Variants in CRY2 observed in about 807,000 individuals in gnomAD.
CRY2 encodes the protein cryptochrome circadian regulator 2, also known as cryptochrome-2.
CRY2 carries 31 observed loss-of-function variants against 69.5 expected under a neutral mutation model. That is an observed-to-expected ratio of 0.45 (90% CI 0.34 to 0.60). The LOEUF (loss-of-function observed/expected upper bound fraction) is 0.60. Among genes scored for constraint, CRY2 ranks in the 20% least tolerant of loss-of-function variants. The pLI, the probability that CRY2 is intolerant of heterozygous loss-of-function variation, is 0.02. For missense variants in CRY2, 606 were observed against 797.8 expected (o/e 0.76, Z 2.90); for synonymous variants, 303 against 312.2 (o/e 0.97, Z 0.31).
chr11:45,851,452 A>G (rs77199649), intron 1 of CRY2, among the ~76,000 whole-genome samples: 2,142 of 152,266 alleles, frequency 0.014, 19 homozygotes, highest in Non-Finnish European at 0.022. Context: ...AGAGCTGAAC[A>G]CTGTTGGACT....
chr11:45,869,340 C>G (rs1054079233), intron 6 of CRY2, among the ~76,000 whole-genome samples, 166 bp from the exon 7 acceptor site: 1 of 152,210 alleles, frequency 6.6e-6, no homozygotes, highest in Non-Finnish European at 1.5e-5. Flanking sequence ...CTGGGTGTTT[C>G]ACATGCAGGC....
At chr11:45,872,054 GCA>G (rs766799779) in intron 10 of CRY2, 36 bp from the exon 11 acceptor site, 14 of 1,609,962 alleles carry the variant, frequency 8.7e-6, no homozygotes, top group Non-Finnish European at 1.1e-5. Flanking sequence ...TTGGCTGCAT[GCA>G]CAGTCTGTGT....
In CRY2 at chr11:45,867,719, C is replaced by A; in HGVS notation, c.849C>A (p.Leu283=). The change falls in exon 6 of 12, where the codon CTC becomes CTA. Residue 283 remains leucine (L), a synonymous_variant. Coordinates refer to ENST00000616080, the MANE Select transcript of CRY2 (RefSeq NM_021117.5). ...YLRFGCLSCR[L]FYYRLWDLYK... The stretch of plus-strand genomic sequence containing the variant: ...GCTTTGGTTGTCTCTCCTGCCGCCT[C>A]TTCTACTACCGCCTGTGGGACCTGT... 6.2e-7 allele frequency: 1 copy of A among 1,614,226 alleles called. No individual in the cohort carries two copies. The highest frequency in any genetic ancestry group is 8.5e-7 in the Non-Finnish European group (1 of 1,180,038).
chr11:45,861,919 A>T (rs2271850), intron 4 of CRY2, 141 bp from the exon 5 acceptor site: 1 of 725,452 alleles, frequency 1.4e-6, no homozygotes, highest in East Asian at 2.8e-5. Context: ...GAAAACGCTA[A>T]AACTTTAAGG....
At chr11:45,849,517 A>G (rs2086178050) in intron 1 of CRY2, among the ~76,000 whole-genome samples, 1 of 152,184 alleles carries the variant, frequency 6.6e-6, no homozygotes, top group Non-Finnish European at 1.5e-5. Context: ...TGAGAAACAT[A>G]AGATAAGGGG....
intron 1 of CRY2, among the ~76,000 whole-genome samples, chr11:45,848,199 C>G (rs1406894709): frequency 6.6e-6 from 1 of 152,170 alleles, no homozygotes; most frequent in East Asian, 1.9e-4. Flanking sequence ...GCCCTACCAC[C>G]CATCCTGGCT....
In CRY2 at chr11:45,856,067, G is replaced by T; in HGVS notation, c.301G>T (p.Asp101Tyr). 1 of 1,614,122 alleles carries T rather than the reference G, an allele frequency of 6.2e-7. No individual in the cohort carries two copies. Among genetic ancestry groups the T allele is most frequent in the South Asian group, 1.1e-5 (1 of 91,068 alleles). ...GTTTGTAGTCCGGGGACAGCCAGCC[G>T]ACGTGTTCCCAAGGCTGTTCAAGGT... ...RLFVVRGQPA[D>Y]VFPRLFKEWG... The change falls in exon 2 of 12, where the codon GAC becomes TAC. Residue 101 changes from aspartate (D) to tyrosine (Y), a missense_variant. By Grantham distance (160) the Asp-to-Tyr change is radical. Coordinates refer to ENST00000616080, the MANE Select transcript of CRY2 (RefSeq NM_021117.5).
rs79694550 is a variant in CRY2 at position 45,864,821 on chromosome 11, T to C, written c.741+2673T>C. 0.012 allele frequency among the ~76,000 whole-genome samples: 1,849 copies of C among 152,096 alleles called. 260 individuals are homozygous for C. The East Asian group carries it at 0.31, about 25-fold the overall frequency. ...AGGCGGAGGTTGCAGTGAGACGAGA[T>C]CATGCCACTGCACTCCAGCCTGGTT... is the stretch of plus-strand genomic sequence containing the variant. On this transcript the variant is annotated intron_variant, in intron 5 of 11. Coordinates refer to ENST00000616080, the MANE Select transcript of CRY2 (RefSeq NM_021117.5).
rs1002296636 is a variant in CRY2, at chr11:45,881,049, G to A, written c.*138G>A. 2 of 152,602 alleles carry A rather than the reference G, an allele frequency of 1.3e-5. No homozygotes were observed. The highest frequency in any genetic ancestry group is 2.9e-5 in the Non-Finnish European group (2 of 68,326). 9.5% of individuals were successfully genotyped at this position (152,602 alleles called of 1,614,324 possible). A position where few individuals can be genotyped will look rare whatever the true frequency, so the allele number is the denominator to read the frequency against. ...TGTGTGTGTGTGCGCGTGTGCAGAG[G>A]AGGGAGTGGTGTGCCTGTTTGTGTG... On this transcript the variant is annotated 3_prime_UTR_variant, in exon 12 of 12. Coordinates refer to ENST00000616080, the MANE Select transcript of CRY2 (RefSeq NM_021117.5).
intron 11 of CRY2, among the ~76,000 whole-genome samples, chr11:45,879,067 T>TA (rs1480624525): frequency 6.7e-6 from 1 of 150,176 alleles, no homozygotes. Context: ...CCATCTCTAC[T>TA]AAAAATACAA....
intron 1 of CRY2, among the ~76,000 whole-genome samples, chr11:45,848,058 C>T (rs1024396488): frequency 1.3e-5 from 2 of 152,126 alleles, no homozygotes; most frequent in African/African-American, 2.4e-5. Flanking sequence ...AGGGCTCTTA[C>T]GGTCTACTCA....
At chr11:45,861,636 T>G (rs2086289207) in intron 4 of CRY2, 1 of 186,698 alleles carries the variant, frequency 5.4e-6, no homozygotes, top group Non-Finnish European at 1.1e-5. Flanking sequence ...GAGACGGGGT[T>G]TCACCATGTT....
At chr11:45,872,719 A>G (rs1036538759) in intron 11 of CRY2, among the ~76,000 whole-genome samples, 5 of 152,140 alleles carry the variant, frequency 3.3e-5, no homozygotes, top group African/African-American at 1.2e-4. Context: ...CAGCTAAGGG[A>G]AAAAGGGAGG....
intron 1 of CRY2, among the ~76,000 whole-genome samples, chr11:45,853,145 A>T (rs1338344393): frequency 6.6e-6 from 1 of 152,228 alleles, no homozygotes; most frequent in Non-Finnish European, 1.5e-5. Context: ...CAAGTTTCAT[A>T]ATCTCTCTAT....
chr11:45,866,381 G>A (rs1449703256), intron 5 of CRY2, among the ~76,000 whole-genome samples: 2 of 152,222 alleles, frequency 1.3e-5, no homozygotes, highest in Non-Finnish European at 2.9e-5. Context: ...CACATTTAAG[G>A]GAGAGGCAGA....
chr11:45,870,576 C>T (rs1300515293), intron 9 of CRY2, 44 bp downstream of exon 9: 4 of 1,603,302 alleles, frequency 2.5e-6, no homozygotes, highest in African/African-American at 2.7e-5. Context: ...AGGACAGCAC[C>T]TACAGGCTCA....
rs2086284926 is a variant in CRY2, at chr11:45,861,110, G to A, written c.652+78G>A. On this transcript the variant is annotated intron_variant, in intron 4 of 11. Transcript: ENST00000616080. ...GAAATTCTTTGTGAAAGTAATGCAT[G>A]TCATTATAGAAAGGTTAGAAAGCAC... is the stretch of plus-strand genomic sequence containing the variant. The A allele has an allele frequency of 2.7e-6, 4 of 1,460,442 alleles. No homozygotes were observed. The East Asian group carries it at 9.8e-5, about 36-fold the overall frequency. 90.5% of individuals were successfully genotyped at this position (1,460,442 alleles called of 1,614,324 possible). A position where few individuals can be genotyped will look rare whatever the true frequency, so the allele number is the denominator to read the frequency against.
intron 1 of CRY2, among the ~76,000 whole-genome samples, chr11:45,848,553 G>C (rs1246739688): frequency 6.6e-6 from 1 of 152,182 alleles, no homozygotes; most frequent in African/African-American, 2.4e-5. Flanking sequence ...GGGCCCCTCT[G>C]ATGACCCCCC....
intron 2 of CRY2, chr11:45,858,525 G>A (rs1257241101): frequency 3.5e-6 from 2 of 567,564 alleles, no homozygotes; most frequent in African/African-American, 3.8e-5. Flanking sequence ...CTGTGCTGTT[G>A]GCTTCGCCAC....
Sources: gnomAD v4.1 joint callset for allele counts (sites outside exome capture counted in the v4.1 genomes callset) on GRCh38, gnomAD v4.1.1 for gene constraint, MANE v1.5 for transcripts, NCBI Gene and HGNC (gene_info 2026-07-23, HGNC 2026-07-21) for gene names.